Variants in PPP1R21 observed in about 807,000 individuals in gnomAD.
PPP1R21 encodes KLRAQ motif containing 1.
A neutral mutation model predicts 112.8 loss-of-function variants in PPP1R21; 85 were observed. The observed-to-expected ratio is 0.75, with a 90% CI of 0.63 to 0.90. The LOEUF is 0.90. Ranked by LOEUF, PPP1R21 falls within the 40% of genes least tolerant of loss-of-function variation. PPP1R21 has a pLI of 0.00. For synonymous variants in PPP1R21, 381 were observed against 322.3 expected, an observed-to-expected ratio of 1.18 and a Z score of -1.95; for missense variants, 1,199 against 901.5, an observed-to-expected ratio of 1.33 and a Z score of -4.23.
chr2:48,488,922 G>T (rs537762855), intron 14 of PPP1R21, among the ~76,000 whole-genome samples: 4 of 152,124 alleles, frequency 2.6e-5, no homozygotes, highest in Non-Finnish European at 4.4e-5. Flanking sequence ...ACCTCACAAT[G>T]TACTACCATG....
intron 1 of PPP1R21, 153 bp downstream of exon 1, chr2:48,441,163 C>G: frequency 1.5e-6 from 1 of 649,534 alleles, no homozygotes; most frequent in Non-Finnish European, 2.8e-6. Flanking sequence ...ATTACGGTGC[C>G]TCCACCTGCA....
At chr2:48,481,993 T>C (rs1397079539) in intron 13 of PPP1R21, among the ~76,000 whole-genome samples, 1 of 152,210 alleles carries the variant, frequency 6.6e-6, no homozygotes, top group East Asian at 1.9e-4. Flanking sequence ...GAATTTCTTA[T>C]TTAGACTTGG....
chr2:48,477,266 G>C (rs1418606380), intron 12 of PPP1R21, among the ~76,000 whole-genome samples: 1 of 151,790 alleles, frequency 6.6e-6, no homozygotes, highest in Non-Finnish European at 1.5e-5. Flanking sequence ...CTACGGGTGT[G>C]CGCCACTGCA....
intron 15 of PPP1R21, among the ~76,000 whole-genome samples, chr2:48,494,036 A>T (rs551723702): frequency 6.9e-6 from 1 of 145,394 alleles, no homozygotes; most frequent in East Asian, 2.0e-4. Flanking sequence ...AGCCTGGGCA[A>T]CATAGGGAGA....
intron 9 of PPP1R21, among the ~76,000 whole-genome samples, chr2:48,467,410 T>G (rs1668254433): frequency 6.6e-6 from 1 of 152,226 alleles, no homozygotes; most frequent in East Asian, 1.9e-4. Context: ...CTTCATAGTT[T>G]AAAACAACAA....
rs746371183 is a variant in PPP1R21, at chr2:48,471,353, C to T, written c.1074C>T (p.Pro358=). 1.6e-5 allele frequency: 26 copies of T among 1,608,224 alleles called. No homozygotes were observed. Among genetic ancestry groups the T allele is most frequent in the Non-Finnish European group, 2.1e-5 (25 of 1,178,348 alleles). Residue 358 remains proline (P), a synonymous_variant, in exon 11 of 22, where the codon CCC becomes CCT. Transcript: ENST00000294952. ...SYICFLRKIL[P]YQLKSLEEEC... The stretch of plus-strand genomic sequence containing the variant: ...TATGTTTTCTTAGGAAGATTCTTCC[C>T]TATCAGTTAAAAAGGTAGTTACCCC...
chr2:48,474,986 A>G (rs1382567870), intron 12 of PPP1R21, among the ~76,000 whole-genome samples, 167 bp downstream of exon 12: 4 of 152,236 alleles, frequency 2.6e-5, no homozygotes, highest in Admixed American at 2.6e-4. Context: ...CCTTGGGCAA[A>G]GCTCTTGACC....
At chr2:48,509,713 A>G (rs76274522) in intron 19 of PPP1R21, among the ~76,000 whole-genome samples, 1 of 151,494 alleles carries the variant, frequency 6.6e-6, no homozygotes, top group African/African-American at 2.4e-5. Context: ...TCAAAAAAAG[A>G]AAAAAAAAGA....
chr2:48,471,103 A>G lies in PPP1R21; in HGVS notation c.914A>G (p.His305Arg), dbSNP rs774652053. ...CCTGTTTAGTTCTCACAATACCTTC[A>G]TGAAAATGCGTCCTATGTCCGCCCT... Reference protein sequence around the residue: ...PLNQKFSQYLHENASYVRPLE... With the variant: ...PLNQKFSQYLRENASYVRPLE... The change falls in exon 10 of 22, where the codon CAT becomes CGT. Residue 305 changes from histidine (H) to arginine (R), a missense_variant. Physicochemically the swap from His to Arg is conservative, Grantham distance 29. Transcript: ENST00000294952. 1.2e-6 allele frequency: 2 copies of G among 1,610,506 alleles called. No individual in the cohort carries two copies. Among genetic ancestry groups the G allele is most frequent in the African/African-American group, 2.7e-5 (2 of 75,030 alleles).
intron 13 of PPP1R21, among the ~76,000 whole-genome samples, chr2:48,480,855 G>C (rs181198656): frequency 6.6e-6 from 1 of 152,158 alleles, no homozygotes; most frequent in East Asian, 1.9e-4. Flanking sequence ...TCATAACATG[G>C]ATAAGAGGCA....
In PPP1R21 at chr2:48,511,380, T is replaced by G; in HGVS notation, c.2225T>G (p.Leu742Ter). ...ACCAAGAGGAGTTACGAGGATCAGT[T>G]AAGTATGATGAGTGACCACCTGTGC... Reference protein sequence around the residue: ...TTTKRSYEDQLSMMSDHLCSM... With the variant: ...TTTKRSYEDQ Residue 742 changes from leucine (L) to a stop codon, truncating the protein, a stop_gained, in exon 21 of 22, where the codon TTA (leucine) becomes TGA (stop). Coordinates refer to ENST00000294952, the MANE Select transcript of PPP1R21 (RefSeq NM_001135629.3). LOFTEE classifies it high-confidence loss of function. 6.2e-7 allele frequency: 1 copy of G among 1,614,032 alleles called. No individual in the cohort carries two copies. Among genetic ancestry groups the G allele is most frequent in the Non-Finnish European group, 8.5e-7 (1 of 1,179,970 alleles).
chr2:48,468,473 C>T (rs113522042), intron 9 of PPP1R21, among the ~76,000 whole-genome samples: 63 of 152,240 alleles, frequency 4.1e-4, no homozygotes, highest in African/African-American at 1.4e-3. Context: ...AGTACTGCAA[C>T]ATTTTAATGT....
intron 3 of PPP1R21, among the ~76,000 whole-genome samples, chr2:48,457,657 A>G (rs72872724): frequency 0.12 from 18,707 of 152,218 alleles, 1,206 homozygotes; most frequent in Non-Finnish European, 0.15. Flanking sequence ...TTAGAAATTT[A>G]TATGAACTTT....
chr2:48,474,820 G>A lies in PPP1R21; in HGVS notation c.1225+1G>A. ...TACATAGCTCTTCTTGCCTTGCCAA[G>A]TAAGTATGTTTGTTGCTTAGGGGTC... On this transcript the variant is annotated splice_donor_variant, in intron 12 of 21. Coordinates refer to ENST00000294952, the MANE Select transcript of PPP1R21 (RefSeq NM_001135629.3). LOFTEE classifies it high-confidence loss of function. 1.2e-6 allele frequency: 2 copies of A among 1,611,596 alleles called. No individual in the cohort carries two copies. The highest frequency in any genetic ancestry group is 1.7e-6 in the Non-Finnish European group (2 of 1,179,172).
At chr2:48,442,724 A>G (rs1667088529) in intron 1 of PPP1R21, among the ~76,000 whole-genome samples, 1 of 152,202 alleles carries the variant, frequency 6.6e-6, no homozygotes. Context: ...CTTTCCAGGC[A>G]AAGGGAACAG....
chr2:48,507,207 T>C, intron 18 of PPP1R21, 62 bp from the exon 19 acceptor site: 1 of 1,379,614 alleles, frequency 7.2e-7, no homozygotes, highest in Non-Finnish European at 9.4e-7. Context: ...TTTTTTTTTT[T>C]TTCTAGAAAT....
At chr2:48,443,742 A>G (rs1478964395) in intron 1 of PPP1R21, among the ~76,000 whole-genome samples, 2 of 152,222 alleles carry the variant, frequency 1.3e-5, no homozygotes, top group Non-Finnish European at 2.9e-5. Context: ...CAATTTCTAG[A>G]TAAGATCTAT....
chr2:48,493,267 A>G (rs1163127763), intron 15 of PPP1R21, among the ~76,000 whole-genome samples: 1 of 152,144 alleles, frequency 6.6e-6, no homozygotes, highest in Non-Finnish European at 1.5e-5. Context: ...GGCCTACCAA[A>G]GTGCTGGGAT....
intron 13 of PPP1R21, among the ~76,000 whole-genome samples, chr2:48,483,809 C>T (rs1227449846): frequency 6.6e-6 from 1 of 152,022 alleles, no homozygotes; most frequent in Non-Finnish European, 1.5e-5. Context: ...GGGAATGCCT[C>T]CAAAATGTCA....
Sources: allele counts gnomAD v4.1 joint callset (sites outside exome capture counted in the v4.1 genomes callset), GRCh38; gene constraint gnomAD v4.1.1; transcripts MANE v1.5; gene names NCBI Gene and HGNC (gene_info 2026-07-23, HGNC 2026-07-21).